Variants in DLG2 observed in about 807,000 individuals in gnomAD.
The protein encoded by DLG2 is discs large MAGUK scaffold protein 2.
In DLG2, 45 loss-of-function variants were observed where a neutral mutation model predicts 132.5. That is an observed-to-expected ratio of 0.34 (90% CI 0.27 to 0.44). The LOEUF (loss-of-function observed/expected upper bound fraction) is 0.44, where lower values mean the gene tolerates loss of function less well. Among genes scored for constraint, DLG2 ranks in the 20% least tolerant of loss-of-function variants. The pLI is 1.00. For synonymous variants in DLG2, 424 were observed against 419.6 expected (o/e 1.01, Z -0.13); for missense variants, 1,045 against 1,196.9 (o/e 0.87, Z 1.87).
At chr11:85,315,857 A>G (rs1355546177) in intron 3 of DLG2, among the ~76,000 whole-genome samples, 1 of 151,884 alleles carries the variant, frequency 6.6e-6, no homozygotes, top group Non-Finnish European at 1.5e-5. Flanking sequence ...CAATCAGAGG[A>G]GCAGTTTCAG....
chr11:83,567,608 A>T (rs1395792891), intron 19 of DLG2, among the ~76,000 whole-genome samples: 1 of 152,186 alleles, frequency 6.6e-6, no homozygotes, highest in Non-Finnish European at 1.5e-5. Context: ...TGATAATTGT[A>T]ATTCAGCAAC....
rs191394792 is a variant in DLG2, at chr11:84,661,954, G to T, written c.358-127223C>A. ...CAAGACAGGGAGTAAAATCTCACCT[G>T]GACAAAATGCATCTGCCCCTCCCCC... is the stretch of plus-strand genomic sequence containing the variant. On this transcript the variant is annotated intron_variant, in intron 6 of 27. Transcript: ENST00000376104. 9.2e-4 allele frequency among the ~76,000 whole-genome samples: 140 copies of T among 152,138 alleles called. 1 individual carries two copies. The highest frequency in any genetic ancestry group is 3.1e-3 in the African/African-American group (128 of 41,522).
chr11:85,281,943 A>G (rs1203663953), intron 4 of DLG2, among the ~76,000 whole-genome samples: 4 of 151,998 alleles, frequency 2.6e-5, no homozygotes, highest in African/African-American at 9.7e-5. Context: ...AATAGCCAAG[A>G]TATGGAATCA....
intron 8 of DLG2, among the ~76,000 whole-genome samples, chr11:84,213,599 C>A (rs2123817): frequency 0.99 from 150,472 of 152,030 alleles, 74,466 homozygotes; most frequent in East Asian, 1. Flanking sequence ...GCGGGTGGAT[C>A]ACGAGGTCAG....
intron 5 of DLG2, among the ~76,000 whole-genome samples, chr11:85,126,401 G>A (rs761731377): frequency 1.3e-5 from 2 of 152,140 alleles, no homozygotes; most frequent in Non-Finnish European, 2.9e-5. Flanking sequence ...TCCTCTTGCA[G>A]CTGGATGGAA....
At chr11:84,753,595 T>C (rs967735605) in intron 6 of DLG2, among the ~76,000 whole-genome samples, 1 of 152,166 alleles carries the variant, frequency 6.6e-6, no homozygotes, top group Non-Finnish European at 1.5e-5. Context: ...AAAGTGACTA[T>C]GGGATATCAA....
chr11:84,937,505 T>C (rs1268253025), intron 6 of DLG2, among the ~76,000 whole-genome samples: 1 of 152,194 alleles, frequency 6.6e-6, no homozygotes, highest in Non-Finnish European at 1.5e-5. Flanking sequence ...AAGGGGTGGT[T>C]ACTTGACAGT....
At position 83,664,426 on chromosome 11, in the gene DLG2, C is replaced by CT. The variant is rs560427308; in HGVS notation, c.1826-31102dup. On this transcript the variant is annotated intron_variant, in intron 18 of 27. Coordinates refer to ENST00000376104, the MANE Select transcript of DLG2 (RefSeq NM_001142699.3). Reference sequence around the variant, plus strand: ...GGTAGAGCAGAATCGTCAAACCTCACTTTTTTTTTTTTTTAAATGGGAACC... The same window carrying CT: ...GGTAGAGCAGAATCGTCAAACCTCACTTTTTTTTTTTTTTTAAATGGGAACC... Among the ~76,000 whole-genome samples, 1,049 of 141,540 alleles carry CT rather than the reference C, an allele frequency of 7.4e-3. 10 individuals are homozygous for CT. The highest frequency in any genetic ancestry group is 0.016 in the East Asian group (80 of 4,904). 92.9% of individuals were successfully genotyped at this position (141,540 alleles called of 152,430 possible). A position where few individuals can be genotyped will look rare whatever the true frequency, so the allele number is the denominator to read the frequency against.
chr11:83,510,203 C>T (rs1341838881), intron 21 of DLG2, among the ~76,000 whole-genome samples: 1 of 152,040 alleles, frequency 6.6e-6, no homozygotes, highest in African/African-American at 2.4e-5. Context: ...TTTCTTTCTA[C>T]CTCCCCTCAT....
intron 7 of DLG2, among the ~76,000 whole-genome samples, chr11:84,263,442 T>C (rs1026803675): frequency 4.5e-4 from 69 of 152,304 alleles, no homozygotes; most frequent in African/African-American, 1.6e-3. Context: ...ACCTCAAAAA[T>C]CTATATATGG....
chr11:84,435,271 T>C (rs572306846), intron 7 of DLG2, among the ~76,000 whole-genome samples: 1 of 152,302 alleles, frequency 6.6e-6, no homozygotes, highest in African/African-American at 2.4e-5. Context: ...TAGAAAAAAA[T>C]TAATTTAAAA....
intron 3 of DLG2, among the ~76,000 whole-genome samples, chr11:85,559,155 ATT>A (rs1185312599): frequency 2.9e-5 from 4 of 140,348 alleles, no homozygotes; most frequent in Non-Finnish European, 3.1e-5. Context: ...TATTATTATT[ATT>A]TTTTTTTTTT....
chr11:84,504,360 C>T (rs748332579), intron 7 of DLG2, among the ~76,000 whole-genome samples: 3 of 152,156 alleles, frequency 2.0e-5, no homozygotes, highest in Non-Finnish European at 2.9e-5. Flanking sequence ...TCCTACCTAA[C>T]TACTAAGTGT....
At chr11:83,649,810 G>A (rs747976963) in intron 18 of DLG2, among the ~76,000 whole-genome samples, 16 of 152,124 alleles carry the variant, frequency 1.1e-4, no homozygotes, top group Non-Finnish European at 1.5e-4. Flanking sequence ...TCTGTTTCAG[G>A]TGGCATTTCA....
intron 7 of DLG2, among the ~76,000 whole-genome samples, chr11:84,470,563 A>G (rs1247078694): frequency 1.3e-5 from 2 of 151,764 alleles, no homozygotes; most frequent in African/African-American, 4.8e-5. Context: ...GGCTGAGTAA[A>G]AGTTGGAAAG....
chr11:83,967,136 T>C (rs2090385279), intron 12 of DLG2, among the ~76,000 whole-genome samples: 1 of 152,128 alleles, frequency 6.6e-6, no homozygotes. Flanking sequence ...TTTTATCCAC[T>C]GACAGGCATG....
At chr11:85,425,112 T>C (rs920613927) in intron 3 of DLG2, among the ~76,000 whole-genome samples, 1 of 152,186 alleles carries the variant, frequency 6.6e-6, no homozygotes, top group Non-Finnish European at 1.5e-5. Flanking sequence ...GAATAACAGA[T>C]TGTAAATTAC....
At chr11:84,691,271 C>T (rs2058004997) in intron 6 of DLG2, among the ~76,000 whole-genome samples, 1 of 151,762 alleles carries the variant, frequency 6.6e-6, no homozygotes, top group African/African-American at 2.4e-5. Flanking sequence ...CTTCAAGCTT[C>T]CGGAGGTAGT....
chr11:84,011,075 TATAAAAA>T lies in DLG2; in HGVS notation c.920-30440_920-30434del, dbSNP rs1261029944. ...AAGCATGAAAAATCTTTTTGGCCAC[TATAAAAA>T]ATAAAAAATAAAACAGGTTGAGTGA... On this transcript the variant is annotated intron_variant, in intron 11 of 27. Transcript: ENST00000376104. Among the ~76,000 whole-genome samples the T allele has an allele frequency of 2.7e-5, 4 of 150,336 alleles. No individual in the cohort carries two copies. The South Asian group carries it at 6.4e-4, about 24-fold the overall frequency.
Sources: allele counts gnomAD v4.1 joint callset (sites outside exome capture counted in the v4.1 genomes callset), GRCh38; gene constraint gnomAD v4.1.1; transcripts MANE v1.5; gene names NCBI Gene and HGNC (gene_info 2026-07-23, HGNC 2026-07-21).